The following RAB38 variants were observed in gnomAD, a reference collection of about 807,000 sequenced individuals.
RAB38 encodes the protein RAB38, member RAS oncogene family.
A neutral mutation model predicts 18.4 loss-of-function variants in RAB38; 15 were observed. That is an observed-to-expected ratio of 0.82 (90% CI 0.55 to 1.26). The LOEUF is 1.26. RAB38 is among the 50% of genes most tolerant of loss of function. The pLI, the probability that RAB38 is intolerant of heterozygous loss-of-function variation, is 0.00. For synonymous variants in RAB38, 101 were observed against 104.4 expected (o/e 0.97, Z 0.20); for missense variants, 294 against 267.4 (o/e 1.10, Z -0.69).
At chr11:88,053,718 C>T in the RAB38 span, among the ~76,000 whole-genome samples, 6 of 151,316 alleles carry the variant, frequency 4.0e-5, no homozygotes, top group East Asian at 1.9e-4. Context: ...AGCCTTGATA[C>T]GCAGTGACTT....
intron 1 of RAB38, among the ~76,000 whole-genome samples, chr11:88,172,926 G>A (rs976309963): frequency 5.9e-5 from 9 of 152,196 alleles, no homozygotes; most frequent in African/African-American, 2.2e-4. Context: ...AGAGCTCTGG[G>A]AAAAACAAGC....
the RAB38 span, among the ~76,000 whole-genome samples, chr11:88,044,664 T>A: frequency 1.3e-5 from 2 of 152,258 alleles, no homozygotes; most frequent in East Asian, 3.9e-4. Context: ...CAGGCATTCT[T>A]TTATACATTG....
intron 2 of RAB38, among the ~76,000 whole-genome samples, chr11:88,124,397 A>C (rs181882169): frequency 6.6e-6 from 1 of 152,350 alleles, no homozygotes; most frequent in East Asian, 1.9e-4. Flanking sequence ...TAATATCCAG[A>C]ATCTACAAAG....
At chr11:88,098,780 A>G in the RAB38 span, 1 of 151,910 alleles carries the variant, frequency 6.6e-6, no homozygotes, top group African/African-American at 2.4e-5. Flanking sequence ...TAGAACCTTG[A>G]TTTATTAGAT....
chr11:87,947,343 G>A, the RAB38 span, among the ~76,000 whole-genome samples: 1 of 151,376 alleles, frequency 6.6e-6, no homozygotes, highest in African/African-American at 2.4e-5. Flanking sequence ...TAGGCTGCCT[G>A]TTCACTCTGA....
chr11:88,037,292 C>T, the RAB38 span, among the ~76,000 whole-genome samples: 2,602 of 152,132 alleles, frequency 0.017, 73 homozygotes, highest in African/African-American at 0.06. Context: ...TATTTCCCCT[C>T]TGCAGCATTT....
the RAB38 span, among the ~76,000 whole-genome samples, chr11:88,058,282 A>T: frequency 6.6e-6 from 1 of 152,168 alleles, no homozygotes; most frequent in East Asian, 1.9e-4. Context: ...GTTATTTGCA[A>T]TGTAGAGATA....
At chr11:88,011,654 C>T in the RAB38 span, among the ~76,000 whole-genome samples, 5 of 152,122 alleles carry the variant, frequency 3.3e-5, no homozygotes, top group African/African-American at 1.2e-4. Flanking sequence ...GTAATAGTTA[C>T]CATCTTGGCC....
At chr11:88,006,134 T>C in the RAB38 span, among the ~76,000 whole-genome samples, 1 of 150,722 alleles carries the variant, frequency 6.6e-6, no homozygotes, top group African/African-American at 2.4e-5. Flanking sequence ...TAGACATTTT[T>C]CCAGAGAAGA....
chr11:88,070,486 C>G, the RAB38 span, among the ~76,000 whole-genome samples: 1 of 152,180 alleles, frequency 6.6e-6, no homozygotes, highest in Admixed American at 6.5e-5. Context: ...GACACAGTAT[C>G]AGGAAGCAGA....
At chr11:87,975,906 A>G in the RAB38 span, among the ~76,000 whole-genome samples, 1 of 151,660 alleles carries the variant, frequency 6.6e-6, no homozygotes, top group African/African-American at 2.4e-5. Context: ...GTATCTCACT[A>G]GAGATTAAAA....
the RAB38 span, among the ~76,000 whole-genome samples, chr11:87,938,736 A>T: frequency 1.3e-4 from 19 of 149,592 alleles, no homozygotes; most frequent in African/African-American, 3.7e-4. Context: ...GCGCATTTCC[A>T]GATTGATGGG....
the RAB38 span, among the ~76,000 whole-genome samples, chr11:87,947,597 T>G: frequency 7.9e-5 from 12 of 152,242 alleles, no homozygotes; most frequent in African/African-American, 2.9e-4. Flanking sequence ...AGTTTCAGCT[T>G]TCTACATATG....
chr11:88,007,151 G>T, the RAB38 span, among the ~76,000 whole-genome samples: 1 of 151,506 alleles, frequency 6.6e-6, no homozygotes. Context: ...TAAATAAAAA[G>T]ATAAAATTAC....
At chr11:87,935,173 A>T in the RAB38 span, among the ~76,000 whole-genome samples, 2 of 152,142 alleles carry the variant, frequency 1.3e-5, no homozygotes, top group African/African-American at 4.8e-5. Context: ...AAAGTTAAAT[A>T]TTAGATATCC....
At chr11:87,900,184 G>A in the RAB38 span, among the ~76,000 whole-genome samples, 1 of 151,580 alleles carries the variant, frequency 6.6e-6, no homozygotes, top group Non-Finnish European at 1.5e-5. Context: ...GGGTTTACAG[G>A]AGATTGACAC....
chr11:87,919,141 C>T, the RAB38 span, among the ~76,000 whole-genome samples: 1 of 151,970 alleles, frequency 6.6e-6, no homozygotes, highest in Non-Finnish European at 1.5e-5. Flanking sequence ...ATTTTCTTGA[C>T]ATCATTGTCA....
At chr11:88,109,870 G>A (rs553201459), downstream of RAB38, among the ~76,000 whole-genome samples, 36 of 152,148 alleles carry the variant, frequency 2.4e-4, no homozygotes, top group African/African-American at 7.0e-4. Flanking sequence ...AGGAAACAAC[G>A]GATGCTGGAG....
the RAB38 span, among the ~76,000 whole-genome samples, chr11:88,029,906 C>A: frequency 6.6e-6 from 1 of 152,106 alleles, no homozygotes; most frequent in African/African-American, 2.4e-5. Context: ...AACTCTCCAC[C>A]CCAAATCAAC....
Sources: allele counts gnomAD v4.1 joint callset (sites outside exome capture counted in the v4.1 genomes callset), GRCh38; gene constraint gnomAD v4.1.1; transcripts MANE v1.5; gene names NCBI Gene and HGNC (gene_info 2026-07-23, HGNC 2026-07-21).